Variants in MKRN2OS observed in about 807,000 individuals in gnomAD.
MKRN2OS encodes MKRN2 opposite strand.
A neutral mutation model predicts 18.2 loss-of-function variants in MKRN2OS; 17 were observed. That is an observed-to-expected ratio of 0.93 (90% CI 0.64 to 1.40). The LOEUF (loss-of-function observed/expected upper bound fraction) is 1.40. MKRN2OS is among the 40% of genes most tolerant of loss of function. The probability of loss-of-function intolerance (pLI) is 0.00; values close to 1 mark genes in which losing one functional copy is unlikely to be tolerated. For missense variants in MKRN2OS, 337 were observed against 283.0 expected (o/e 1.19, Z -1.37); for synonymous variants, 121 against 108.5 (o/e 1.12, Z -0.72).
chr3:12,551,723 G>A (rs1034624733), downstream of MKRN2OS, among the ~76,000 whole-genome samples: 38 of 151,122 alleles, frequency 2.5e-4, no homozygotes, highest in African/African-American at 8.3e-4. Context: ...ATCACCTGAG[G>A]TCAGGAGTTC....
At chr3:12,541,072 C>T (rs978018760) in intron 3 of MKRN2OS, among the ~76,000 whole-genome samples, 19 of 151,520 alleles carry the variant, frequency 1.3e-4, no homozygotes, top group African/African-American at 4.1e-4. Context: ...TATGATATTC[C>T]ATAGTATCTA....
intron 1 of MKRN2OS, among the ~76,000 whole-genome samples, chr3:12,544,853 G>A (rs2057864126): frequency 6.6e-6 from 1 of 152,216 alleles, no homozygotes; most frequent in Non-Finnish European, 1.5e-5. Context: ...AAAATAGTCT[G>A]CAAGTGCCCG....
intron 1 of MKRN2OS, among the ~76,000 whole-genome samples, chr3:12,558,337 G>A (rs1379640562): frequency 6.6e-6 from 1 of 152,200 alleles, no homozygotes; most frequent in Non-Finnish European, 1.5e-5. Context: ...GGTGTTTTGT[G>A]AAGACGGGTT....
chr3:12,543,696 GAA>G (rs1459413565), intron 1 of MKRN2OS, among the ~76,000 whole-genome samples: 1,823 of 152,114 alleles, frequency 0.012, 28 homozygotes, highest in African/African-American at 0.042. Flanking sequence ...GACCAGCCTG[GAA>G]AACATTGCGA....
At chr3:12,554,919 T>C (rs1462280272) in intron 1 of MKRN2OS, among the ~76,000 whole-genome samples, 1 of 152,200 alleles carries the variant, frequency 6.6e-6, no homozygotes, top group African/African-American at 2.4e-5. Context: ...GACAGGAGAC[T>C]GAGACTTTTC....
downstream of MKRN2OS, among the ~76,000 whole-genome samples, chr3:12,552,565 C>T (rs1463164411): frequency 1.3e-5 from 2 of 151,388 alleles, no homozygotes; most frequent in Non-Finnish European, 1.5e-5. Context: ...GCATGCACCA[C>T]CACACCTGAA....
At chr3:12,546,591 T>C (rs975534329), upstream of MKRN2OS, among the ~76,000 whole-genome samples, 4 of 145,644 alleles carry the variant, frequency 2.7e-5, no homozygotes, top group Non-Finnish European at 6.0e-5. Flanking sequence ...TTTTTTTTTT[T>C]TTTTTTTGAG....
At chr3:12,553,433 CA>C (rs934277696), downstream of MKRN2OS, among the ~76,000 whole-genome samples, 148 of 142,084 alleles carry the variant, frequency 1.0e-3, 1 homozygote, top group Admixed American at 2.7e-3. Context: ...TCAATACATG[CA>C]AAAAAAAAAG....
upstream of MKRN2OS, among the ~76,000 whole-genome samples, chr3:12,548,326 C>T (rs370815313): frequency 5.9e-4 from 89 of 152,110 alleles, 1 homozygote; most frequent in East Asian, 0.016. Flanking sequence ...CGGGTGTCTG[C>T]AGTCCCAGCT....
chr3:12,541,732 TA>T, intron 3 of MKRN2OS, 127 bp downstream of exon 3: 1 of 1,000,074 alleles, frequency 1.0e-6, no homozygotes, highest in Non-Finnish European at 1.4e-6. Context: ...TTAGAGATGC[TA>T]ATATGTCTGT....
intron 1 of MKRN2OS, among the ~76,000 whole-genome samples, chr3:12,543,907 A>T (rs549697019): frequency 1.2e-3 from 175 of 151,214 alleles, no homozygotes; most frequent in East Asian, 6.2e-3. Flanking sequence ...AAAAAAAAAA[A>T]AATAACAGTT....
At chr3:12,547,913 A>G (rs1694874966), upstream of MKRN2OS, among the ~76,000 whole-genome samples, 2 of 152,218 alleles carry the variant, frequency 1.3e-5, no homozygotes, top group African/African-American at 4.8e-5. Flanking sequence ...GACCTCAGAA[A>G]TCATTTCAAC....
upstream of MKRN2OS, among the ~76,000 whole-genome samples, chr3:12,549,985 T>C (rs1201006390): frequency 6.6e-6 from 1 of 152,226 alleles, no homozygotes. Flanking sequence ...GGAACTCTCA[T>C]TGCTGGTGGG....
rs924931914 is a variant in MKRN2OS at position 12,539,782 on chromosome 3, T to G, written c.*411A>C. Among the ~76,000 whole-genome samples the G allele has an allele frequency of 2.6e-5, 4 of 152,136 alleles. No homozygotes were observed. The highest frequency in any genetic ancestry group is 2.1e-4 in the South Asian group (1 of 4,832). On this transcript the variant is annotated 3_prime_UTR_variant, in exon 4 of 4. Coordinates refer to ENST00000564146, the MANE Select transcript of MKRN2OS (RefSeq NM_001195279.2). ...TGAAGGAAAGCCATACACGTTTTTA[T>G]TTTTTATTTTTTATTTTTTTGAGAT...
At chr3:12,547,086 C>T (rs559330862), upstream of MKRN2OS, among the ~76,000 whole-genome samples, 2 of 151,766 alleles carry the variant, frequency 1.3e-5, no homozygotes, top group African/African-American at 4.8e-5. Context: ...CTAGCCTGGG[C>T]GACAGAGTGG....
At chr3:12,543,624 G>A (rs187632855) in intron 1 of MKRN2OS, among the ~76,000 whole-genome samples, 1 of 149,966 alleles carries the variant, frequency 6.7e-6, no homozygotes, top group Non-Finnish European at 1.5e-5. Flanking sequence ...AGTGGCTCAC[G>A]CCTGTAATCT....
chr3:12,545,497 T>C lies in MKRN2OS; in HGVS notation c.-33A>G. The C allele has an allele frequency of 6.9e-7, 1 of 1,448,378 alleles. No homozygotes were observed. The highest frequency in any genetic ancestry group is 1.3e-5 in the South Asian group (1 of 75,780). The allele number at this position is 1,448,378 out of a possible 1,614,324, so 89.7% of individuals were successfully genotyped here. A position where few individuals can be genotyped will look rare whatever the true frequency, so the allele number is the denominator to read the frequency against. ...GCCTCCTGGAATGCTAGGGGAGGTT[T>C]CCGGAGACTTCCTTTTCCTCATTAT... On this transcript the variant is annotated 5_prime_UTR_variant, in exon 1 of 4. Coordinates refer to ENST00000564146, the MANE Select transcript of MKRN2OS (RefSeq NM_001195279.2).
chr3:12,557,137 T>A, intron 1 of MKRN2OS: 2 of 1,508,032 alleles, frequency 1.3e-6, no homozygotes, highest in Non-Finnish European at 1.8e-6. Context: ...CGACGGTCCC[T>A]CAGCCCAGCC....
chr3:12,543,314 C>T, intron 1 of MKRN2OS, 85 bp from the exon 2 acceptor site: 1 of 1,181,650 alleles, frequency 8.5e-7, no homozygotes, highest in East Asian at 2.6e-5. Flanking sequence ...ATGCCGAGCA[C>T]AGTGGCTTAG....
Sources: allele counts gnomAD v4.1 joint callset (sites outside exome capture counted in the v4.1 genomes callset), GRCh38; gene constraint gnomAD v4.1.1; transcripts MANE v1.5; gene names NCBI Gene and HGNC (gene_info 2026-07-23, HGNC 2026-07-21).